The following HIP1 variants were observed in gnomAD, a reference collection of about 807,000 sequenced individuals.
HIP1 encodes the protein huntingtin interacting protein 1.
HIP1 carries 65 observed loss-of-function variants against 147.6 expected under a neutral mutation model. That is an observed-to-expected ratio of 0.44 (90% CI 0.36 to 0.54). The LOEUF (loss-of-function observed/expected upper bound fraction) is 0.54. Among genes scored for constraint, HIP1 ranks in the 20% least tolerant of loss-of-function variants. HIP1 has a pLI of 0.00. For missense variants in HIP1, 1,061 were observed against 1,299.6 expected (o/e 0.82, Z 2.82); for synonymous variants, 479 against 504.0 (o/e 0.95, Z 0.67).
chr7:75,612,671 T>C (rs10267085), intron 1 of HIP1, among the ~76,000 whole-genome samples: 34,270 of 150,914 alleles, frequency 0.23, 7,479 homozygotes, highest in African/African-American at 0.57. Flanking sequence ...TAGCCAGGCC[T>C]GGTGGTGGGC....
intron 1 of HIP1, among the ~76,000 whole-genome samples, chr7:75,736,465 C>T (rs781995931): frequency 1.4e-4 from 21 of 151,620 alleles, no homozygotes; most frequent in Non-Finnish European, 2.5e-4. Context: ...GCCTGTAGTC[C>T]CAGCACTTTG....
chr7:75,572,615 T>C (rs1308438019), intron 8 of HIP1, among the ~76,000 whole-genome samples: 1 of 152,112 alleles, frequency 6.6e-6, no homozygotes, highest in Non-Finnish European at 1.5e-5. Context: ...CAGGGAGGCA[T>C]GGCCAGGGCT....
chr7:75,589,979 C>T (rs587729427), intron 4 of HIP1, among the ~76,000 whole-genome samples: 14 of 152,042 alleles, frequency 9.2e-5, no homozygotes, highest in African/African-American at 2.2e-4. Flanking sequence ...GTGATCCGCC[C>T]GCCTCGGCCT....
At chr7:75,692,874 T>C (rs1484565617) in intron 1 of HIP1, among the ~76,000 whole-genome samples, 1 of 152,030 alleles carries the variant, frequency 6.6e-6, no homozygotes, top group Non-Finnish European at 1.5e-5. Flanking sequence ...GTATAAATTA[T>C]GACGATGCAG....
Position 75,581,230 on chromosome 7 carries a change from G to A in HIP1, c.604+7C>T, listed in dbSNP as rs371469045. On this transcript the variant is annotated splice_region_variant and intron_variant, in intron 7 of 30. Transcript: ENST00000336926. ...AGCCTGGGTTAGACGGGAGGGAAGAGACTCACCTGTTTGGAAGAGGTTGAG... is the reference window on the plus strand; with the variant it reads ...AGCCTGGGTTAGACGGGAGGGAAGAAACTCACCTGTTTGGAAGAGGTTGAG... 6.2e-7 allele frequency: 1 copy of A among 1,604,646 alleles called. No individual in the cohort carries two copies.
intron 1 of HIP1, among the ~76,000 whole-genome samples, chr7:75,738,227 G>A (rs536386301): frequency 4.0e-5 from 6 of 151,614 alleles, no homozygotes; most frequent in Admixed American, 3.3e-4. Context: ...CCTTTTCCCT[G>A]CTCCGACCCC....
chr7:75,658,960 G>A (rs555461355), intron 1 of HIP1, among the ~76,000 whole-genome samples: 3 of 152,058 alleles, frequency 2.0e-5, no homozygotes, highest in Non-Finnish European at 4.4e-5. Context: ...AGCAAACTAA[G>A]GCAGGACTAT....
chr7:75,712,615 C>T (rs538764454), intron 1 of HIP1, among the ~76,000 whole-genome samples: 29 of 152,238 alleles, frequency 1.9e-4, no homozygotes, highest in African/African-American at 6.5e-4. Context: ...CACTCATTCA[C>T]TCTCACTTAT....
chr7:75,607,574 G>A (rs1229934799), intron 1 of HIP1, among the ~76,000 whole-genome samples: 2 of 150,178 alleles, frequency 1.3e-5, no homozygotes, highest in African/African-American at 2.5e-5. Context: ...CGGTGGCCGT[G>A]CCTGTAGTCC....
At chr7:75,718,585 C>T (rs1252493797) in intron 1 of HIP1, among the ~76,000 whole-genome samples, 1 of 152,180 alleles carries the variant, frequency 6.6e-6, no homozygotes, top group Non-Finnish European at 1.5e-5. Context: ...CGCCAGTCCT[C>T]CGACTTGGAG....
At chr7:75,589,354 G>A (rs1796399808) in intron 4 of HIP1, among the ~76,000 whole-genome samples, 1 of 151,890 alleles carries the variant, frequency 6.6e-6, no homozygotes, top group African/African-American at 2.4e-5. Context: ...AGAGACATGA[G>A]GGGTAGGATG....
chr7:75,709,109 C>CTT (rs55720152), intron 1 of HIP1, among the ~76,000 whole-genome samples: 12,903 of 131,346 alleles, frequency 0.098, 856 homozygotes, highest in African/African-American at 0.2. Context: ...TTTTTCTTTT[C>CTT]TTTTTTTTTT....
chr7:75,617,035 T>C (rs1248158023), intron 1 of HIP1, among the ~76,000 whole-genome samples: 3 of 151,448 alleles, frequency 2.0e-5, no homozygotes, highest in East Asian at 1.9e-4. Flanking sequence ...CCTCCCAAAA[T>C]AGTTGGGAGC....
At chr7:75,576,704 G>A (rs1024403633) in intron 7 of HIP1, among the ~76,000 whole-genome samples, 5 of 151,348 alleles carry the variant, frequency 3.3e-5, no homozygotes, top group African/African-American at 9.7e-5. Flanking sequence ...GCAAGGCTCC[G>A]TTTCAGAGAA....
intron 1 of HIP1, among the ~76,000 whole-genome samples, chr7:75,668,507 T>A (rs1221563327): frequency 1.3e-5 from 2 of 152,162 alleles, no homozygotes; most frequent in Non-Finnish European, 2.9e-5. Context: ...GTATTGTTAG[T>A]AGAGACAGGG....
chr7:75,710,201 T>C (rs1801130379), intron 1 of HIP1, among the ~76,000 whole-genome samples: 1 of 152,088 alleles, frequency 6.6e-6, no homozygotes, highest in African/African-American at 2.4e-5. Context: ...CCTGGCATAT[T>C]GAGTGTTTTT....
intron 1 of HIP1, among the ~76,000 whole-genome samples, chr7:75,683,046 G>A (rs1563291008): frequency 6.6e-6 from 1 of 151,802 alleles, no homozygotes; most frequent in Non-Finnish European, 1.5e-5. Flanking sequence ...GCAGTGGTGC[G>A]ATCTCGGCTC....
rs59055803 is a variant in HIP1 at position 75,684,447 on chromosome 7, CAAAAA to C, written c.120+54349_120+54353del. On this transcript the variant is annotated intron_variant, in intron 1 of 30. Coordinates refer to ENST00000336926, the MANE Select transcript of HIP1 (RefSeq NM_005338.7). ...TGAGCAACAGAACAAGACTCCGTCT[CAAAAA>C]AAAAAAAAAAAAAAAAAAAGTACAT... Among the ~76,000 whole-genome samples, 421 of 43,836 alleles carry C rather than the reference CAAAAA, an allele frequency of 9.6e-3. 1 individual carries two copies. Among genetic ancestry groups the C allele is most frequent in the African/African-American group, 0.033 (402 of 12,252 alleles). 28.8% of individuals were successfully genotyped at this position (43,836 alleles called of 152,430 possible). A position where few individuals can be genotyped will look rare whatever the true frequency, so the allele number is the denominator to read the frequency against.
chr7:75,635,732 A>G lies in HIP1; in HGVS notation c.121-36485T>C, dbSNP rs976197958. Among the ~76,000 whole-genome samples, 3 of 152,122 alleles carry G rather than the reference A, an allele frequency of 2.0e-5. No individual in the cohort carries two copies. In the East Asian group the frequency reaches 5.8e-4, roughly 29 times the overall value. On this transcript the variant is annotated intron_variant, in intron 1 of 30. Coordinates refer to ENST00000336926, the MANE Select transcript of HIP1 (RefSeq NM_005338.7). ...TTACAGAAGAAACTTGCTAAAAATC[A>G]TGCAGGGACGCAATGTACAGTGGCT...
Sources: allele counts gnomAD v4.1 joint callset (sites outside exome capture counted in the v4.1 genomes callset), GRCh38; gene constraint gnomAD v4.1.1; transcripts MANE v1.5; gene names NCBI Gene and HGNC (gene_info 2026-07-23, HGNC 2026-07-21).